The following CCNC variants were observed in gnomAD, a reference collection of about 807,000 sequenced individuals.
CCNC encodes the protein cyclin-C.
In CCNC, 19 loss-of-function variants were observed where a neutral mutation model predicts 50.0. The ratio of observed to expected loss-of-function variants is 0.38; its 90% confidence interval spans 0.27 to 0.56. CCNC has a LOEUF of 0.56. Among genes scored for constraint, CCNC ranks in the 20% least tolerant of loss-of-function variants. The pLI, the probability that CCNC is intolerant of heterozygous loss-of-function variation, is 0.72. For missense variants in CCNC, 200 were observed against 327.1 expected (o/e 0.61, Z 3.00); for synonymous variants, 93 against 103.7 (o/e 0.90, Z 0.63).
intron 6 of CCNC, among the ~76,000 whole-genome samples, chr6:99,551,260 G>A (rs1193463884): frequency 6.6e-6 from 1 of 152,042 alleles, no homozygotes; most frequent in Non-Finnish European, 1.5e-5. Flanking sequence ...GTAAGGAAAA[G>A]CCAGCTTCTC....
chr6:99,550,372 A>G, intron 7 of CCNC, 63 bp from the exon 8 acceptor site: 1 of 1,084,374 alleles, frequency 9.2e-7, no homozygotes, highest in East Asian at 2.4e-5. Context: ...CAAAAATGTT[A>G]TCATTACCCA....
chr6:99,557,942 C>T (rs945616138), intron 5 of CCNC: 2 of 152,772 alleles, frequency 1.3e-5, no homozygotes, highest in Non-Finnish European at 2.9e-5. Flanking sequence ...AATAGCCAGA[C>T]ACCTTGATCT....
At chr6:99,549,928 TTC>T (rs1802222576) in intron 8 of CCNC, among the ~76,000 whole-genome samples, 1 of 150,180 alleles carries the variant, frequency 6.7e-6, no homozygotes, top group African/African-American at 2.5e-5. Context: ...CCAAAAAGTA[TTC>T]TGATTACTTT....
In CCNC at chr6:99,568,437, C is replaced by G. The variant is rs1013835184; in HGVS notation, c.32+59G>C. On this transcript the variant is annotated intron_variant, in intron 1 of 11. Transcript: ENST00000520429. ...ATCCAGGCCCAGGGGAGTCACAGGC[C>G]CCGTCCTCACAGCTCCCCCAAAAAC... 2.6e-6 allele frequency: 4 copies of G among 1,528,592 alleles called. No individual in the cohort carries two copies. In the African/African-American group the frequency reaches 5.5e-5, roughly 21 times the overall value. 94.7% of individuals were successfully genotyped at this position (1,528,592 alleles called of 1,614,324 possible).
Position 99,549,563 on chromosome 6 carries a change from A to G in CCNC, c.543T>C (p.Asn181=), listed in dbSNP as rs896282920. Reference sequence around the variant, plus strand: ...GGCAAAGATCCGTTCTGTAGGTATCATTCACTATCCTCCTATAGAAATGTA... The same window carrying G: ...GGCAAAGATCCGTTCTGTAGGTATCGTTCACTATCCTCCTATAGAAATGTA... ...MLLPLAWRIV[N]DTYRTDLCLL... is the part of the protein sequence containing the mutation. Residue 181 remains asparagine (N), a synonymous_variant, in exon 9 of 12, where the codon AAT becomes AAC. Coordinates refer to ENST00000520429, the MANE Select transcript of CCNC (RefSeq NM_005190.4). The G allele has an allele frequency of 2.4e-5, 38 of 1,593,204 alleles. No individual in the cohort carries two copies. The highest frequency in any genetic ancestry group is 3.3e-5 in the Non-Finnish European group (38 of 1,161,942).
At chr6:99,553,930 GTTA>G (rs1469363058) in intron 5 of CCNC, among the ~76,000 whole-genome samples, 3 of 152,048 alleles carry the variant, frequency 2.0e-5, no homozygotes, top group Non-Finnish European at 4.4e-5. Flanking sequence ...ATATTGAAAT[GTTA>G]TTATTAACTA....
At chr6:99,562,046 CTTG>C (rs1467146442) in intron 2 of CCNC, 2 of 154,230 alleles carry the variant, frequency 1.3e-5, no homozygotes, top group Non-Finnish European at 2.9e-5. Context: ...ACCTATGAAA[CTTG>C]TTAATACTAC....
At chr6:99,560,524 A>C (rs1562493702) in intron 4 of CCNC, among the ~76,000 whole-genome samples, 1 of 152,250 alleles carries the variant, frequency 6.6e-6, no homozygotes, top group African/African-American at 2.4e-5. Context: ...TCAATATTCA[A>C]GAATACAACT....
At chr6:99,568,329 G>T in intron 1 of CCNC, 167 bp downstream of exon 1, 1 of 624,532 alleles carries the variant, frequency 1.6e-6, no homozygotes, top group Non-Finnish European at 2.8e-6. Flanking sequence ...GGGGCGGGGA[G>T]GGGAGTCGCC....
intron 10 of CCNC, 99 bp from the exon 11 acceptor site, chr6:99,545,329 T>C: frequency 1.5e-6 from 1 of 665,668 alleles, no homozygotes. Context: ...AAACAGTAAA[T>C]AGTCTCTGTC....
intron 1 of CCNC, among the ~76,000 whole-genome samples, chr6:99,567,932 G>A (rs1024914493): frequency 2.6e-5 from 4 of 152,086 alleles, no homozygotes; most frequent in African/African-American, 4.8e-5. Context: ...AAATTTAGAG[G>A]GCACCTGCCC....
intron 11 of CCNC, chr6:99,543,841 A>T: frequency 7.3e-7 from 1 of 1,363,716 alleles, no homozygotes; most frequent in Non-Finnish European, 9.4e-7. Flanking sequence ...GCATTCTGGA[A>T]GTTAGTGTCC....
chr6:99,545,430 A>G (rs563099265), intron 10 of CCNC, among the ~76,000 whole-genome samples, 200 bp from the exon 11 acceptor site: 2 of 152,278 alleles, frequency 1.3e-5, no homozygotes, highest in East Asian at 3.9e-4. Context: ...GCATGTGTGC[A>G]TTGTCCATTC....
intron 5 of CCNC, among the ~76,000 whole-genome samples, chr6:99,554,900 C>G (rs538331447): frequency 6.6e-6 from 1 of 152,200 alleles, no homozygotes; most frequent in Non-Finnish European, 1.5e-5. Context: ...AATACACACA[C>G]TAACCCATGT....
chr6:99,551,904 A>T lies in CCNC; in HGVS notation c.347-9T>A. The T allele has an allele frequency of 7.1e-7, 1 of 1,411,408 alleles. No individual in the cohort carries two copies. Among genetic ancestry groups the T allele is most frequent in the Non-Finnish European group, 9.5e-7 (1 of 1,052,758 alleles). The allele number at this position is 1,411,408 out of a possible 1,614,324, so 87.4% of individuals were successfully genotyped here. A position where few individuals can be genotyped will look rare whatever the true frequency, so the allele number is the denominator to read the frequency against. The stretch of plus-strand genomic sequence containing the variant: ...TGAAAATCTAGTTTTTACTGCAGAA[A>T]ATAAAAAAAAAATTTAAACTGAGAA... On this transcript the variant is annotated splice_polypyrimidine_tract_variant and intron_variant, in intron 5 of 11. Transcript: ENST00000520429.
At position 99,550,261 on chromosome 6, in the gene CCNC, C is replaced by G. The variant is rs779382674; in HGVS notation, c.487G>C (p.Val163Leu). ...YHPYRPLLQYVQDMGQEDMLL... is the reference protein window; with the variant it reads ...YHPYRPLLQYLQDMGQEDMLL... The stretch of plus-strand genomic sequence containing the variant: ...ATGTCTTCTTGGCCCATGTCCTGCA[C>G]ATACTGGAGCAAAGGTCTATAAGGA... Residue 163 changes from valine (V) to leucine (L), a missense_variant, in exon 8 of 12, where the codon GTG becomes CTG. By Grantham distance (32) the Val-to-Leu change is conservative (BLOSUM62 1). Coordinates refer to ENST00000520429, the MANE Select transcript of CCNC (RefSeq NM_005190.4). 1 of 1,613,206 alleles carries G rather than the reference C, an allele frequency of 6.2e-7. No individual in the cohort carries two copies. Among genetic ancestry groups the G allele is most frequent in the South Asian group, 1.1e-5 (1 of 90,960 alleles).
chr6:99,564,619 T>C (rs976324534), intron 1 of CCNC, among the ~76,000 whole-genome samples: 6 of 152,144 alleles, frequency 3.9e-5, no homozygotes, highest in Non-Finnish European at 8.8e-5. Flanking sequence ...ATTTTTCTAA[T>C]GGGATTACCG....
intron 8 of CCNC, 120 bp from the exon 9 acceptor site, chr6:99,549,695 G>A: frequency 3.2e-6 from 2 of 619,946 alleles, no homozygotes; most frequent in Middle Eastern, 4.4e-4. Context: ...TTATACTACT[G>A]AAGCACAGCT....
At chr6:99,561,872 T>C (rs1802795084) in intron 2 of CCNC, 191 bp from the exon 3 acceptor site, 2 of 385,046 alleles carry the variant, frequency 5.2e-6, no homozygotes, top group Non-Finnish European at 9.5e-6. Context: ...AATATATAGG[T>C]ATGCATAAAC....
Sources: allele counts gnomAD v4.1 joint callset (sites outside exome capture counted in the v4.1 genomes callset), GRCh38; gene constraint gnomAD v4.1.1; transcripts MANE v1.5; gene names NCBI Gene and HGNC (gene_info 2026-07-23, HGNC 2026-07-21).